Variants in EPHA5 observed in about 807,000 individuals in gnomAD.
EPHA5 encodes EPH receptor A5, also known as ephrin type-A receptor 5.
In EPHA5, 60 loss-of-function variants were observed where a neutral mutation model predicts 105.0. The ratio of observed to expected loss-of-function variants is 0.57; its 90% confidence interval spans 0.46 to 0.71. The LOEUF is 0.71. Among genes scored for constraint, EPHA5 ranks in the 30% least tolerant of loss-of-function variants. The pLI is 0.00. For missense variants in EPHA5, 1,218 were observed against 1,274.7 expected (o/e 0.96, Z 0.68); for synonymous variants, 513 against 449.1 (o/e 1.14, Z -1.80).
intron 3 of EPHA5, among the ~76,000 whole-genome samples, chr4:65,514,259 G>A (rs534291296): frequency 7.9e-5 from 12 of 152,184 alleles, no homozygotes; most frequent in African/African-American, 2.9e-4. Flanking sequence ...GCAATCTGAT[G>A]TTGACATTCT....
At chr4:65,349,295 A>G (rs1311595373) in intron 13 of EPHA5, among the ~76,000 whole-genome samples, 1 of 151,672 alleles carries the variant, frequency 6.6e-6, no homozygotes, top group East Asian at 2.0e-4. Context: ...GGATTGGGGG[A>G]AAATCTTACT....
intron 8 of EPHA5, among the ~76,000 whole-genome samples, chr4:65,386,927 C>T (rs1720151418): frequency 6.6e-6 from 1 of 151,722 alleles, no homozygotes; most frequent in Non-Finnish European, 1.5e-5. Flanking sequence ...ATTGACTTAA[C>T]TCTGCCAAAT....
In EPHA5 at chr4:65,331,701, C is replaced by T. The variant is rs1026215938; in HGVS notation, c.2945+272G>A. On this transcript the variant is annotated intron_variant, in intron 16 of 16. Transcript: ENST00000613740. ...TGTCAAGAAAACATCTTTTCCACAA[C>T]ACAAAACACCAGTATTTTGCCAAGG... 1.3e-5 allele frequency: 15 copies of T among 1,163,356 alleles called. No individual in the cohort carries two copies. In the African/African-American group the frequency reaches 2.4e-4, roughly 18 times the overall value. 72.1% of individuals were successfully genotyped at this position (1,163,356 alleles called of 1,614,324 possible).
intron 14 of EPHA5, among the ~76,000 whole-genome samples, chr4:65,347,188 G>A (rs1003476167): frequency 1.4e-5 from 2 of 141,016 alleles, no homozygotes; most frequent in East Asian, 2.1e-4. Flanking sequence ...GAGTGAAAAA[G>A]TGTTTCAAAT....
chr4:65,388,702 TTCTGGATATTAGCCCTTTG>T (rs1183311673), intron 8 of EPHA5, among the ~76,000 whole-genome samples: 6 of 147,446 alleles, frequency 4.1e-5, no homozygotes, highest in African/African-American at 7.6e-5. Context: ...TCATTGTAGA[TTCTGGATATTAGCCCTTTG>T]TCAGATGAGT....
chr4:65,373,283 T>C (rs1178036921), intron 8 of EPHA5, among the ~76,000 whole-genome samples: 1 of 151,860 alleles, frequency 6.6e-6, no homozygotes, highest in Non-Finnish European at 1.5e-5. Flanking sequence ...TCTATATACA[T>C]GTCAAACAAC....
intron 3 of EPHA5, among the ~76,000 whole-genome samples, chr4:65,501,486 G>A (rs563883978): frequency 5.9e-5 from 9 of 151,262 alleles, no homozygotes; most frequent in African/African-American, 1.9e-4. Context: ...GAGCCAAATC[G>A]AGAATGCCCC....
intron 5 of EPHA5, among the ~76,000 whole-genome samples, chr4:65,459,245 C>T (rs1036755786): frequency 2.0e-5 from 3 of 151,950 alleles, no homozygotes; most frequent in Non-Finnish European, 2.9e-5. Flanking sequence ...TAATAATGGG[C>T]TTCAGTTTAA....
intron 8 of EPHA5, among the ~76,000 whole-genome samples, chr4:65,373,602 C>T (rs1016890323): frequency 3.3e-5 from 5 of 151,702 alleles, no homozygotes; most frequent in East Asian, 3.9e-4. Flanking sequence ...TTGTTTTGTT[C>T]GGATTTTGTT....
Position 65,669,711 on chromosome 4 carries a change from C to A in EPHA5, c.32G>T (p.Arg11Leu). 1.6e-6 allele frequency: 2 copies of A among 1,288,678 alleles called. No individual in the cohort carries two copies. Among genetic ancestry groups the A allele is most frequent in the Non-Finnish European group, 2.0e-6 (2 of 1,015,908 alleles). The allele number at this position is 1,288,678 out of a possible 1,614,324, so 79.8% of individuals were successfully genotyped here. The change falls in exon 1 of 17, where the codon CGC becomes CTC. Residue 11 changes from arginine (R) to leucine (L), a missense_variant. Transcript: ENST00000613740. Reference protein sequence around the residue: MRGSGPRGAGRRRPPSGGGDT... With the variant: MRGSGPRGAGLRRPPSGGGDT... ...GCCGCCGCCGCTTGGGGGCCGCCGG[C>A]GTCCCGCACCCCGGGGCCCCGAGCC...
At chr4:65,568,244 T>C (rs1739762644) in intron 3 of EPHA5, among the ~76,000 whole-genome samples, 1 of 151,482 alleles carries the variant, frequency 6.6e-6, no homozygotes, top group African/African-American at 2.4e-5. Context: ...CTTTAAAGTG[T>C]GGTTCCAATA....
chr4:65,371,946 AGATT>A (rs1301192615), intron 8 of EPHA5, among the ~76,000 whole-genome samples: 3 of 152,076 alleles, frequency 2.0e-5, no homozygotes, highest in South Asian at 2.1e-4. Flanking sequence ...TCTATTTTCC[AGATT>A]GATTAAGAGA....
At chr4:65,329,147 T>C (rs1560414558) in intron 16 of EPHA5, among the ~76,000 whole-genome samples, 2 of 151,376 alleles carry the variant, frequency 1.3e-5, no homozygotes, top group African/African-American at 2.4e-5. Flanking sequence ...CTCACAATTA[T>C]CCCTGTTGAC....
intron 14 of EPHA5, among the ~76,000 whole-genome samples, chr4:65,338,697 A>G (rs1721417090): frequency 6.6e-6 from 1 of 152,166 alleles, no homozygotes; most frequent in South Asian, 2.1e-4. Context: ...ATTAATTGTT[A>G]GAATTTATTT....
intron 1 of EPHA5, among the ~76,000 whole-genome samples, chr4:65,659,414 A>G (rs1199850570): frequency 6.6e-6 from 1 of 150,518 alleles, no homozygotes; most frequent in Non-Finnish European, 1.5e-5. Flanking sequence ...ATGTGGGAAC[A>G]GTTCTCCCCT....
intron 8 of EPHA5, among the ~76,000 whole-genome samples, chr4:65,392,185 T>G (rs1720781619): frequency 6.6e-6 from 1 of 152,144 alleles, no homozygotes; most frequent in Admixed American, 6.6e-5. Context: ...TGCTCTCTAA[T>G]TATTTTGATT....
At chr4:65,468,139 G>A (rs1156960081) in intron 5 of EPHA5, among the ~76,000 whole-genome samples, 1 of 152,120 alleles carries the variant, frequency 6.6e-6, no homozygotes, top group African/African-American at 2.4e-5. Flanking sequence ...AGCAGCCATA[G>A]GGAATAAATG....
intron 8 of EPHA5, among the ~76,000 whole-genome samples, chr4:65,390,757 A>G (rs1720633341): frequency 6.6e-6 from 1 of 152,102 alleles, no homozygotes; most frequent in Non-Finnish European, 1.5e-5. Context: ...ACACAGTGTG[A>G]CGATGAAAGC....
At chr4:65,600,678 C>T (rs1411519063) in intron 3 of EPHA5, among the ~76,000 whole-genome samples, 3 of 152,084 alleles carry the variant, frequency 2.0e-5, no homozygotes, top group Non-Finnish European at 4.4e-5. Context: ...TCAAAGTTCC[C>T]TAAGTTAATA....
Sources: allele counts gnomAD v4.1 joint callset (sites outside exome capture counted in the v4.1 genomes callset), GRCh38; gene constraint gnomAD v4.1.1; transcripts MANE v1.5; gene names NCBI Gene and HGNC (gene_info 2026-07-23, HGNC 2026-07-21).